Variants in RASGRP3 observed in about 807,000 individuals in gnomAD.
RASGRP3 encodes RAS guanyl releasing protein 3, also known as ras guanyl-releasing protein 3.
A neutral mutation model predicts 82.7 loss-of-function variants in RASGRP3; 54 were observed. The ratio of observed to expected loss-of-function variants is 0.65; its 90% CI spans 0.52 to 0.82. The LOEUF is 0.82. RASGRP3 is among the 40% of genes least tolerant of loss of function. The pLI, the probability that RASGRP3 is intolerant of heterozygous loss-of-function variation, is 0.00. For missense variants in RASGRP3, 861 were observed against 828.9 expected, an observed-to-expected ratio of 1.04 and a Z score of -0.48; for synonymous variants, 309 against 300.5, an observed-to-expected ratio of 1.03 and a Z score of -0.29.
At chr2:33,452,668 G>T (rs186922055) in intron 2 of RASGRP3, among the ~76,000 whole-genome samples, 20 of 152,328 alleles carry the variant, frequency 1.3e-4, no homozygotes, top group Admixed American at 1.2e-3. Context: ...TGGAGCCTGA[G>T]TCCACACAAG....
At chr2:33,451,618 A>T (rs1348624538) in intron 2 of RASGRP3, among the ~76,000 whole-genome samples, 2 of 152,104 alleles carry the variant, frequency 1.3e-5, no homozygotes, top group East Asian at 3.8e-4. Flanking sequence ...TATGTAACGT[A>T]AGGGTTCGAT....
At chr2:33,543,820 C>T (rs944185520) in intron 13 of RASGRP3, among the ~76,000 whole-genome samples, 193 bp downstream of exon 13, 4 of 152,120 alleles carry the variant, frequency 2.6e-5, no homozygotes, top group African/African-American at 7.2e-5. Context: ...ACAGGGAAGA[C>T]CATGTTGTCA....
At position 33,523,945 on chromosome 2, in the gene RASGRP3, A is replaced by G; in HGVS notation, c.583A>G (p.Ile195Val). The change falls in exon 8 of 18, where the codon ATT becomes GTT. Residue 195 changes from isoleucine (I) to valine (V), a missense_variant. Physicochemically the swap from Ile to Val is conservative, Grantham distance 29. Transcript: ENST00000403687. ...LENNPTLERSIALFNGISKWV... is the reference protein window; with the variant it reads ...LENNPTLERSVALFNGISKWV... ...GAATAATCCAACCTTGGAAAGATCG[A>G]TTGCTTTATTTAATGGAATCTCTAA... The G allele has an allele frequency of 6.2e-7, 1 of 1,613,928 alleles. No homozygotes were observed.
chr2:33,473,822 C>T (rs1404498144), upstream of RASGRP3, among the ~76,000 whole-genome samples: 2 of 152,114 alleles, frequency 1.3e-5, no homozygotes, highest in African/African-American at 2.4e-5. Flanking sequence ...ACCAGTGGTC[C>T]CTAATGTATT....
intron 1 of RASGRP3, among the ~76,000 whole-genome samples, chr2:33,492,522 C>A (rs1321534514): frequency 6.6e-6 from 1 of 152,044 alleles, no homozygotes; most frequent in African/African-American, 2.4e-5. Flanking sequence ...GAAGATAGAG[C>A]CTATAAGGAG....
rs1671928118 is a variant in RASGRP3, at chr2:33,520,563, C to A, written c.247C>A (p.Leu83Met). The A allele has an allele frequency of 6.2e-7, 1 of 1,613,888 alleles. No individual in the cohort carries two copies. Among genetic ancestry groups the A allele is most frequent in the East Asian group, 2.2e-5 (1 of 44,886 alleles). ...TTTGATGCCTTTCAGGTACTGGATT[C>A]TGAAGTTTCCTGCAGAGTTTAATTT... ...KICYFMRYWILKFPAEFNLDL... is the reference protein window; with the variant it reads ...KICYFMRYWIMKFPAEFNLDL... The change falls in exon 6 of 18, where the codon CTG (leucine) becomes ATG (methionine). Residue 83 changes from leucine (L) to methionine (M), a missense_variant. Leu to Met is a conservative substitution (Grantham distance 15, BLOSUM62 2). Transcript: ENST00000403687.
intron 14 of RASGRP3, among the ~76,000 whole-genome samples, chr2:33,550,212 A>G (rs1016625597): frequency 4.6e-5 from 7 of 152,242 alleles, no homozygotes; most frequent in African/African-American, 1.7e-4. Flanking sequence ...GCTGGTTATA[A>G]TAATAAATAA....
intron 2 of RASGRP3, among the ~76,000 whole-genome samples, chr2:33,452,183 A>G (rs1259284628): frequency 6.6e-6 from 1 of 152,146 alleles, no homozygotes; most frequent in Non-Finnish European, 1.5e-5. Flanking sequence ...GAGCTCTGTT[A>G]AGATGATTAT....
At chr2:33,551,045 G>A (rs1346807591) in intron 14 of RASGRP3, among the ~76,000 whole-genome samples, 1 of 152,186 alleles carries the variant, frequency 6.6e-6, no homozygotes, top group Non-Finnish European at 1.5e-5. Context: ...AGGCGCGGTG[G>A]CTCATGTGTG....
chr2:33,504,696 C>G (rs1475232348), intron 1 of RASGRP3, among the ~76,000 whole-genome samples: 6 of 152,222 alleles, frequency 3.9e-5, no homozygotes, highest in Admixed American at 6.5e-5. Context: ...GTAGTCCAGG[C>G]TGTGCCTTCT....
chr2:33,463,213 C>T (rs1666478130), intron 2 of RASGRP3, among the ~76,000 whole-genome samples: 4 of 152,240 alleles, frequency 2.6e-5, no homozygotes, highest in Admixed American at 2.6e-4. Flanking sequence ...CTAAATTTTC[C>T]TTCTCAGGTT....
At chr2:33,446,153 G>A (rs867915300) in intron 1 of RASGRP3, among the ~76,000 whole-genome samples, 7 of 151,662 alleles carry the variant, frequency 4.6e-5, no homozygotes, top group Admixed American at 1.3e-4. Context: ...AATTTTGTTC[G>A]TTTGTTTGTT....
intron 13 of RASGRP3, 37 bp from the exon 14 acceptor site, chr2:33,549,563 GTTAT>G: frequency 6.3e-6 from 10 of 1,579,146 alleles, no homozygotes; most frequent in Non-Finnish European, 8.6e-6. Flanking sequence ...TTAGCAACCT[GTTAT>G]TTAAAGATTC....
At chr2:33,560,419 G>A (rs1329876469) in intron 17 of RASGRP3, among the ~76,000 whole-genome samples, 3 of 152,138 alleles carry the variant, frequency 2.0e-5, no homozygotes, top group African/African-American at 7.2e-5. Flanking sequence ...TCATGATTAG[G>A]TGTCAACAGC....
intron 4 of RASGRP3, among the ~76,000 whole-genome samples, chr2:33,517,021 A>G (rs1395245047): frequency 6.6e-6 from 1 of 152,264 alleles, no homozygotes; most frequent in Non-Finnish European, 1.5e-5. Context: ...GACGCAGCTT[A>G]ATCATATGGA....
intron 1 of RASGRP3, among the ~76,000 whole-genome samples, chr2:33,502,646 G>C (rs1309725972): frequency 6.6e-6 from 1 of 151,818 alleles, no homozygotes; most frequent in African/African-American, 2.4e-5. Context: ...CCAAGTAGCT[G>C]AGACTACAGG....
Position 33,476,748 on chromosome 2 carries a change from A to G in RASGRP3, c.-261+41A>G, listed in dbSNP as rs1200105986. The G allele has an allele frequency of 4.1e-5, 3 of 73,188 alleles. 1 individual carries two copies. The highest frequency in any genetic ancestry group is 8.0e-5 in the Non-Finnish European group (3 of 37,680). The allele number at this position is 73,188 out of a possible 1,614,324, so 4.5% of individuals were successfully genotyped here. On this transcript the variant is annotated intron_variant, in intron 1 of 17. Coordinates refer to ENST00000403687, the MANE Select transcript of RASGRP3 (RefSeq NM_001139488.2). ...ACTTTCCTCTCTCTCTCTCTCTTTC[A>G]TTCCCTCTCCGTGTGTGTGTGTGTG...
At chr2:33,473,497 G>T (rs1667184764), upstream of RASGRP3, among the ~76,000 whole-genome samples, 1 of 152,236 alleles carries the variant, frequency 6.6e-6, no homozygotes, top group Non-Finnish European at 1.5e-5. Context: ...CGTGGTTGTT[G>T]TCGAGAGTCC....
chr2:33,475,030 C>T (rs761795689), upstream of RASGRP3, among the ~76,000 whole-genome samples: 53 of 152,142 alleles, frequency 3.5e-4, 1 homozygote, highest in Non-Finnish European at 4.0e-4. Flanking sequence ...ACTGTAAATA[C>T]AAGGGGGTAA....
Sources: gnomAD v4.1 joint callset for allele counts (sites outside exome capture counted in the v4.1 genomes callset) on GRCh38, gnomAD v4.1.1 for gene constraint, MANE v1.5 for transcripts, NCBI Gene and HGNC (gene_info 2026-07-23, HGNC 2026-07-21) for gene names.